Variants in UBL3 observed in about 807,000 individuals in gnomAD.
UBL3 encodes the protein ubiquitin like 3, also known as ubiquitin-like protein 3.
A neutral mutation model predicts 18.4 loss-of-function variants in UBL3; 6 were observed. The observed-to-expected ratio is 0.33, with a 90% confidence interval of 0.18 to 0.64. UBL3 has a LOEUF of 0.64. Ranked by LOEUF, UBL3 falls within the 30% of genes least tolerant of loss-of-function variation. The pLI, the probability that UBL3 is intolerant of heterozygous loss-of-function variation, is 0.76. For missense variants in UBL3, 109 were observed against 142.9 expected, an observed-to-expected ratio of 0.76 and a Z score of 1.21; for synonymous variants, 49 against 46.6, an observed-to-expected ratio of 1.05 and a Z score of -0.21.
chr13:29,779,575 C>CTCT (rs1877090265), intron 1 of UBL3, among the ~76,000 whole-genome samples: 1 of 151,984 alleles, frequency 6.6e-6, no homozygotes, highest in African/African-American at 2.4e-5. Flanking sequence ...ACACCAAAGC[C>CTCT]TACTTTTGAT....
At chr13:29,828,871 G>C (rs1401410293) in intron 1 of UBL3, among the ~76,000 whole-genome samples, 1 of 152,172 alleles carries the variant, frequency 6.6e-6, no homozygotes, top group Non-Finnish European at 1.5e-5. Context: ...TGTCCTTTCT[G>C]TTTGTTAGTT....
chr13:29,844,637 T>C (rs1879186560), intron 1 of UBL3, among the ~76,000 whole-genome samples: 1 of 152,226 alleles, frequency 6.6e-6, no homozygotes, highest in African/African-American at 2.4e-5. Context: ...TGGTTCGGAA[T>C]GACTTATTAC....
At chr13:29,807,115 C>A (rs1182686836) in intron 1 of UBL3, among the ~76,000 whole-genome samples, 1 of 152,094 alleles carries the variant, frequency 6.6e-6, no homozygotes, top group Non-Finnish European at 1.5e-5. Flanking sequence ...ACCATATTTT[C>A]TTTCCTTTTC....
intron 1 of UBL3, among the ~76,000 whole-genome samples, chr13:29,789,868 C>T (rs566371771): frequency 3.2e-4 from 48 of 152,248 alleles, no homozygotes; most frequent in African/African-American, 1.1e-3. Context: ...ATGACTCCCC[C>T]TTTTATAGCA....
intron 1 of UBL3, among the ~76,000 whole-genome samples, chr13:29,813,610 A>C (rs976115489): frequency 6.6e-6 from 1 of 152,104 alleles, no homozygotes; most frequent in African/African-American, 2.4e-5. Context: ...AACAACATTA[A>C]ATTGTATTAG....
In UBL3 at chr13:29,849,894, C is replaced by T. The variant is rs769502650; in HGVS notation, c.-356G>A. The T allele has an allele frequency of 7.2e-6, 3 of 417,468 alleles. No individual in the cohort carries two copies. Among genetic ancestry groups the T allele is most frequent in the Non-Finnish European group, 8.9e-6 (2 of 225,912 alleles). 25.9% of individuals were successfully genotyped at this position (417,468 alleles called of 1,614,324 possible). On this transcript the variant is annotated 5_prime_UTR_variant, in exon 1 of 5. Transcript: ENST00000380680. The stretch of plus-strand genomic sequence containing the variant: ...GAGAGGGGTGGGAGGGGGTTAAATG[C>T]GCCTTCCTCCTTTCCCAGCCCCGGC...
In UBL3 at chr13:29,773,751, G is replaced by A. The variant is rs1876908927; in HGVS notation, c.137-1553C>T. 3.3e-5 allele frequency among the ~76,000 whole-genome samples: 5 copies of A among 152,080 alleles called. No homozygotes were observed. In the South Asian group the frequency reaches 1.0e-3, roughly 31 times the overall value. On this transcript the variant is annotated intron_variant, in intron 2 of 4. Transcript: ENST00000380680. Reference sequence around the variant, plus strand: ...ATAGCTTAAATGAAGAATTTCAGGTGTTATTAACATATCCTAAGTATAACA... The same window carrying A: ...ATAGCTTAAATGAAGAATTTCAGGTATTATTAACATATCCTAAGTATAACA...
chr13:29,767,518 T>C, intron 4 of UBL3, 100 bp downstream of exon 4: 3 of 1,343,698 alleles, frequency 2.2e-6, no homozygotes, highest in Non-Finnish European at 3.1e-6. Context: ...TCATAAACTA[T>C]GCAAACTTCC....
rs530506376 is a variant in UBL3 at position 29,826,305 on chromosome 13, C to T, written c.27+23207G>A. 4.6e-5 allele frequency among the ~76,000 whole-genome samples: 7 copies of T among 152,276 alleles called. No homozygotes were observed. In the South Asian group the frequency reaches 8.3e-4, roughly 18 times the overall value. On this transcript the variant is annotated intron_variant, in intron 1 of 4. Transcript: ENST00000380680. ...TCCTCCTTGTACCTCTGCTAGAATTCGGCTGCGAATTTGGCTAGTCCTGGA... is the reference window on the plus strand; with the variant it reads ...TCCTCCTTGTACCTCTGCTAGAATTTGGCTGCGAATTTGGCTAGTCCTGGA...
At chr13:29,806,615 AC>A (rs1877905380) in intron 1 of UBL3, among the ~76,000 whole-genome samples, 2 of 152,082 alleles carry the variant, frequency 1.3e-5, no homozygotes, top group Admixed American at 6.6e-5. Flanking sequence ...ATATTTACTG[AC>A]CCCAGTCTAA....
intron 1 of UBL3, among the ~76,000 whole-genome samples, chr13:29,778,522 T>A (rs1291076021): frequency 1.3e-5 from 2 of 152,202 alleles, no homozygotes; most frequent in Non-Finnish European, 2.9e-5. Flanking sequence ...TTTCTTTATA[T>A]ATAAAGAACA....
chr13:29,773,948 C>A (rs568109730), intron 2 of UBL3, among the ~76,000 whole-genome samples: 1 of 152,094 alleles, frequency 6.6e-6, no homozygotes, highest in Non-Finnish European at 1.5e-5. Context: ...TTGTTATTAA[C>A]ATCAATAAGT....
chr13:29,849,470 A>C, intron 1 of UBL3, 42 bp downstream of exon 1: 1 of 1,613,886 alleles, frequency 6.2e-7, no homozygotes, highest in Non-Finnish European at 8.5e-7. Context: ...ATAAGATTGG[A>C]AACCACAATT....
At chr13:29,821,668 A>G (rs1878452726) in intron 1 of UBL3, among the ~76,000 whole-genome samples, 1 of 152,244 alleles carries the variant, frequency 6.6e-6, no homozygotes, top group African/African-American at 2.4e-5. Context: ...CTCCACAGGT[A>G]GCAAAGTTTA....
intron 1 of UBL3, among the ~76,000 whole-genome samples, chr13:29,809,886 T>C (rs961170012): frequency 1.3e-5 from 2 of 152,164 alleles, no homozygotes; most frequent in African/African-American, 4.8e-5. Context: ...TTACTTTTAA[T>C]ACCTAATACA....
At chr13:29,768,276 T>C (rs1364741025) in intron 3 of UBL3, among the ~76,000 whole-genome samples, 1 of 152,112 alleles carries the variant, frequency 6.6e-6, no homozygotes. Context: ...CTTTATAACA[T>C]TTTTTCACTC....
At position 29,780,446 on chromosome 13, in the gene UBL3, T is replaced by G. The variant is rs561339056; in HGVS notation, c.28-3183A>C. ...AAGTTATATATATATATATAGCAAA[T>G]AAGAAATGTGAGGCTCCCTTTAAAA... On this transcript the variant is annotated intron_variant, in intron 1 of 4. Transcript: ENST00000380680. Among the ~76,000 whole-genome samples, 5 of 133,448 alleles carry G rather than the reference T, an allele frequency of 3.7e-5. No individual in the cohort carries two copies. The East Asian group carries it at 1.1e-3, about 29-fold the overall frequency. The allele number at this position is 133,448 out of a possible 152,430, so 87.5% of individuals were successfully genotyped here. A position where few individuals can be genotyped will look rare whatever the true frequency, so the allele number is the denominator to read the frequency against.
chr13:29,839,958 A>AAAAT (rs71192626), intron 1 of UBL3, among the ~76,000 whole-genome samples: 42,375 of 149,994 alleles, frequency 0.28, 6,119 homozygotes, highest in East Asian at 0.41. Flanking sequence ...AAGATTTTAA[A>AAAAT]AAATAAATAA....
intron 1 of UBL3, among the ~76,000 whole-genome samples, chr13:29,821,513 A>G (rs945523309): frequency 9.9e-5 from 15 of 152,182 alleles, no homozygotes; most frequent in African/African-American, 1.2e-4. Context: ...TAAAACCTCT[A>G]AAGTAAGATC....
Sources: allele counts gnomAD v4.1 joint callset (sites outside exome capture counted in the v4.1 genomes callset), GRCh38; gene constraint gnomAD v4.1.1; transcripts MANE v1.5; gene names NCBI Gene and HGNC (gene_info 2026-07-23, HGNC 2026-07-21).